The following MIPOL1 variants were observed in gnomAD, a reference collection of about 807,000 sequenced individuals.
MIPOL1 encodes the protein mirror-image polydactyly gene 1 protein.
MIPOL1 carries 57 observed loss-of-function variants against 60.9 expected under a neutral mutation model. The observed-to-expected ratio is 0.94, with a 90% CI of 0.76 to 1.17. The LOEUF (loss-of-function observed/expected upper bound fraction) is 1.17. MIPOL1 is among the 50% of genes most tolerant of loss of function. The probability of loss-of-function intolerance (pLI) is 0.00; values close to 1 mark genes in which losing one functional copy is unlikely to be tolerated. For missense variants in MIPOL1, 551 were observed against 511.6 expected (o/e 1.08, Z -0.74); for synonymous variants, 179 against 168.8 (o/e 1.06, Z -0.47).
At chr14:37,341,676 C>T (rs1285237067) in intron 9 of MIPOL1, among the ~76,000 whole-genome samples, 1 of 152,150 alleles carries the variant, frequency 6.6e-6, no homozygotes, top group East Asian at 1.9e-4. Context: ...GATACCTGGC[C>T]TCACGTGATC....
intron 6 of MIPOL1, among the ~76,000 whole-genome samples, chr14:37,279,203 T>C (rs1033106382): frequency 6.6e-6 from 1 of 150,512 alleles, no homozygotes; most frequent in African/African-American, 2.4e-5. Flanking sequence ...AGAGAATCTC[T>C]AATGACTTTT....
intron 10 of MIPOL1, among the ~76,000 whole-genome samples, chr14:37,421,081 G>A (rs1329182256): frequency 6.6e-6 from 1 of 152,154 alleles, no homozygotes; most frequent in Non-Finnish European, 1.5e-5. Context: ...CTAAGTGTGG[G>A]AGGAGAAAGT....
chr14:37,476,620 C>T (rs1229984160), intron 11 of MIPOL1, among the ~76,000 whole-genome samples: 1 of 152,012 alleles, frequency 6.6e-6, no homozygotes, highest in Non-Finnish European at 1.5e-5. Flanking sequence ...TTCTAGGTTG[C>T]TGAGAGGTTT....
chr14:37,319,241 T>A (rs1190829670), intron 9 of MIPOL1, among the ~76,000 whole-genome samples: 1 of 152,158 alleles, frequency 6.6e-6, no homozygotes, highest in Non-Finnish European at 1.5e-5. Flanking sequence ...TTTATGTACA[T>A]CCATGTTTCT....
chr14:37,312,755 G>A (rs897685701), intron 9 of MIPOL1, among the ~76,000 whole-genome samples: 2 of 151,996 alleles, frequency 1.3e-5, no homozygotes, highest in Non-Finnish European at 2.9e-5. Flanking sequence ...GCAATTGTTT[G>A]ATCAAGGAAT....
At position 37,271,169 on chromosome 14, in the gene MIPOL1, A is replaced by G. The variant is rs1018779833; in HGVS notation, c.493+644A>G. Among the ~76,000 whole-genome samples the G allele has an allele frequency of 2.6e-5, 4 of 152,088 alleles. No homozygotes were observed. In the East Asian group the frequency reaches 7.7e-4, roughly 29 times the overall value. On this transcript the variant is annotated intron_variant, in intron 6 of 12. Coordinates refer to ENST00000684589, the MANE Select transcript of MIPOL1 (RefSeq NM_001388067.1). ...GTATTTTTGATATGTTATAGATACA[A>G]TGAAATGATTCACAATAGTCTATGA...
At chr14:37,254,059 A>AG (rs1452184395) in intron 3 of MIPOL1, among the ~76,000 whole-genome samples, 2 of 151,776 alleles carry the variant, frequency 1.3e-5, no homozygotes, top group African/African-American at 4.8e-5. Flanking sequence ...CTTCTCACAC[A>AG]TGACCATCTA....
chr14:37,478,639 C>A (rs950858799), intron 11 of MIPOL1, among the ~76,000 whole-genome samples: 1 of 151,100 alleles, frequency 6.6e-6, no homozygotes, highest in Non-Finnish European at 1.5e-5. Context: ...GAAAAAAAAA[C>A]CAAGACCCAA....
chr14:37,406,362 G>A (rs1268379204), intron 10 of MIPOL1, among the ~76,000 whole-genome samples: 1 of 152,072 alleles, frequency 6.6e-6, no homozygotes, highest in East Asian at 1.9e-4. Flanking sequence ...GAAGTGTACT[G>A]TAGATGTAGT....
At chr14:37,397,384 T>A (rs2103894) in intron 10 of MIPOL1, among the ~76,000 whole-genome samples, 1 of 142,492 alleles carries the variant, frequency 7.0e-6, no homozygotes, top group Non-Finnish European at 1.5e-5. Flanking sequence ...GTGGTGGGAG[T>A]GGGGAGGGGG....
intron 9 of MIPOL1, among the ~76,000 whole-genome samples, chr14:37,330,490 A>G (rs1437071681): frequency 1.3e-5 from 2 of 152,140 alleles, no homozygotes; most frequent in Non-Finnish European, 2.9e-5. Context: ...TTATGATTCC[A>G]TATAATTAAC....
chr14:37,401,037 T>A (rs1432553183), intron 10 of MIPOL1: 1 of 151,860 alleles, frequency 6.6e-6, no homozygotes, highest in Non-Finnish European at 1.5e-5. Flanking sequence ...TTTGAAGGAG[T>A]GATAAAAATG....
At chr14:37,486,907 T>G (rs2094956025) in intron 11 of MIPOL1, among the ~76,000 whole-genome samples, 1 of 152,202 alleles carries the variant, frequency 6.6e-6, no homozygotes. Flanking sequence ...ATCCTTGTCT[T>G]GTGCCAGTTT....
At chr14:37,228,375 G>A (rs1970094181) in intron 1 of MIPOL1, among the ~76,000 whole-genome samples, 1 of 142,948 alleles carries the variant, frequency 7.0e-6, no homozygotes, top group South Asian at 2.2e-4. Flanking sequence ...TTGGGGAAGA[G>A]AACTGACAGC....
At chr14:37,281,353 C>T (rs2084088813) in intron 6 of MIPOL1, among the ~76,000 whole-genome samples, 1 of 152,134 alleles carries the variant, frequency 6.6e-6, no homozygotes, top group Non-Finnish European at 1.5e-5. Flanking sequence ...TATCCTGTTC[C>T]ATTGGTCAGT....
intron 10 of MIPOL1, chr14:37,400,683 C>T (rs539218622): frequency 6.6e-6 from 1 of 152,130 alleles, no homozygotes; most frequent in Non-Finnish European, 1.5e-5. Context: ...CTCCAACTAC[C>T]TAAACTCCAG....
chr14:37,288,082 T>G (rs1202458715), intron 7 of MIPOL1, among the ~76,000 whole-genome samples: 1 of 152,238 alleles, frequency 6.6e-6, no homozygotes, highest in Non-Finnish European at 1.5e-5. Context: ...AGATTCACGT[T>G]GCCCTGAAAT....
chr14:37,495,135 A>G (rs1053798758), intron 11 of MIPOL1, among the ~76,000 whole-genome samples: 20 of 126,390 alleles, frequency 1.6e-4, no homozygotes, highest in African/African-American at 5.3e-4. Context: ...TTTTTTTAAT[A>G]TTTTTTTTAT....
At chr14:37,203,520 G>A (rs1307803158) in intron 1 of MIPOL1, among the ~76,000 whole-genome samples, 1 of 152,132 alleles carries the variant, frequency 6.6e-6, no homozygotes, top group African/African-American at 2.4e-5. Context: ...TCACTCTTGT[G>A]TAGTTCCTTC....
Sources: gnomAD v4.1 joint callset for allele counts (sites outside exome capture counted in the v4.1 genomes callset) on GRCh38, gnomAD v4.1.1 for gene constraint, MANE v1.5 for transcripts, NCBI Gene and HGNC (gene_info 2026-07-23, HGNC 2026-07-21) for gene names.